Variants in JAM2 observed in about 807,000 individuals in gnomAD.
JAM2 encodes the protein junctional adhesion molecule 2.
A neutral mutation model predicts 42.0 loss-of-function variants in JAM2; 17 were observed. The observed-to-expected ratio is 0.40, with a 90% CI of 0.28 to 0.61. The LOEUF (loss-of-function observed/expected upper bound fraction) is 0.61, where lower values mean the gene tolerates loss of function less well. Among genes scored for constraint, JAM2 ranks in the 20% least tolerant of loss-of-function variants. JAM2 has a pLI of 0.37. For synonymous variants in JAM2, 118 were observed against 128.6 expected, an observed-to-expected ratio of 0.92 and a Z score of 0.56; for missense variants, 319 against 358.3, an observed-to-expected ratio of 0.89 and a Z score of 0.89.
rs558694397 is a variant in JAM2, at chr21:25,715,443, C to G, written c.*771C>G. 1 of 152,050 alleles carries G rather than the reference C, an allele frequency of 6.6e-6. No homozygotes were observed. Among genetic ancestry groups the G allele is most frequent in the East Asian group, 1.9e-4 (1 of 5,160 alleles). 9.4% of individuals were successfully genotyped at this position (152,050 alleles called of 1,614,324 possible). On this transcript the variant is annotated 3_prime_UTR_variant, in exon 10 of 10. Transcript: ENST00000480456. ...AGATTTCTTTGAAGAGGATCAGTGA[C>G]TTTGACATCAGAACTCACCACTGGA...
At chr21:25,668,881 G>A (rs750188664) in intron 1 of JAM2, among the ~76,000 whole-genome samples, 3 of 152,292 alleles carry the variant, frequency 2.0e-5, no homozygotes, top group Non-Finnish European at 2.9e-5. Flanking sequence ...TGTAGAAAGC[G>A]TGTTAAGAAG....
At chr21:25,686,017 T>A (rs1568907012) in intron 2 of JAM2, among the ~76,000 whole-genome samples, 1 of 152,228 alleles carries the variant, frequency 6.6e-6, no homozygotes, top group Non-Finnish European at 1.5e-5. Context: ...CAAGGTGAAT[T>A]TCACATAACC....
chr21:25,700,137 C>T (rs2123401688), intron 5 of JAM2, among the ~76,000 whole-genome samples: 1 of 152,108 alleles, frequency 6.6e-6, no homozygotes, highest in South Asian at 2.1e-4. Flanking sequence ...AAGCTAATTA[C>T]ATTTAAAAAT....
rs906396402 is a variant in JAM2 at position 25,684,030 on chromosome 21, G to T, written c.133+82G>T. Reference sequence around the variant, plus strand: ...ACTCGTGTGATGTTATTTTCTATTTGTTGGGATTCTCTGCCTTACCTTCTA... The same window carrying T: ...ACTCGTGTGATGTTATTTTCTATTTTTTGGGATTCTCTGCCTTACCTTCTA... On this transcript the variant is annotated intron_variant, in intron 2 of 9. Coordinates refer to ENST00000480456, the MANE Select transcript of JAM2 (RefSeq NM_021219.4). 1.1e-5 allele frequency: 10 copies of T among 891,070 alleles called. No individual in the cohort carries two copies. In the South Asian group the frequency reaches 1.7e-4, roughly 15 times the overall value. The allele number at this position is 891,070 out of a possible 1,614,324, so 55.2% of individuals were successfully genotyped here. A position where few individuals can be genotyped will look rare whatever the true frequency, so the allele number is the denominator to read the frequency against.
chr21:25,666,097 T>A (rs879922813), intron 1 of JAM2, among the ~76,000 whole-genome samples: 1 of 151,888 alleles, frequency 6.6e-6, no homozygotes, highest in Non-Finnish European at 1.5e-5. Flanking sequence ...CACAGAAACA[T>A]CCAGAATGTT....
At chr21:25,711,968 T>A (rs773314340) in intron 8 of JAM2, 13 of 224,048 alleles carry the variant, frequency 5.8e-5, no homozygotes, top group Non-Finnish European at 8.9e-5. Context: ...CATGTAAAAC[T>A]TTTTCCACGG....
chr21:25,712,429 T>C (rs1236762787), intron 9 of JAM2, 47 bp downstream of exon 9: 1 of 1,327,618 alleles, frequency 7.5e-7, no homozygotes, highest in Non-Finnish European at 1.1e-6. Flanking sequence ...GTTTGGGGAA[T>C]AGGGCAGGGA....
In JAM2 at chr21:25,715,491, CT is replaced by C. The variant is rs1440600845; in HGVS notation, c.*822del. 1 of 152,184 alleles carries C rather than the reference CT, an allele frequency of 6.6e-6. No individual in the cohort carries two copies. Among genetic ancestry groups the C allele is most frequent in the Non-Finnish European group, 1.5e-5 (1 of 68,038 alleles). 9.4% of individuals were successfully genotyped at this position (152,184 alleles called of 1,614,324 possible). On this transcript the variant is annotated 3_prime_UTR_variant, in exon 10 of 10. Coordinates refer to ENST00000480456, the MANE Select transcript of JAM2 (RefSeq NM_021219.4). Reference sequence around the variant, plus strand: ...GGAGCCTACACAAGTTTGCAGATACCTTTCCCTGCAGGAGTGGTGACTTCAC... The same window carrying C: ...GGAGCCTACACAAGTTTGCAGATACCTTCCCTGCAGGAGTGGTGACTTCAC...
intron 1 of JAM2, among the ~76,000 whole-genome samples, chr21:25,641,900 C>G (rs1487243043): frequency 6.6e-6 from 1 of 152,114 alleles, no homozygotes; most frequent in African/African-American, 2.4e-5. Context: ...GAGTTCTGGT[C>G]AAGTATCTGG....
intron 3 of JAM2, among the ~76,000 whole-genome samples, chr21:25,690,818 T>C (rs2033864378): frequency 6.6e-6 from 1 of 152,228 alleles, no homozygotes; most frequent in South Asian, 2.1e-4. Context: ...CAGCAACCAT[T>C]ATCAAGTGCT....
chr21:25,648,297 C>G (rs564974779), intron 1 of JAM2, among the ~76,000 whole-genome samples: 3 of 152,264 alleles, frequency 2.0e-5, no homozygotes, highest in African/African-American at 7.2e-5. Flanking sequence ...AACAATAACT[C>G]AAGTATGCAT....
rs555812845 is a variant in JAM2 at position 25,702,557 on chromosome 21, A to T, written c.697+288A>T. 2.6e-5 allele frequency among the ~76,000 whole-genome samples: 4 copies of T among 152,338 alleles called. No individual in the cohort carries two copies. The East Asian group carries it at 7.7e-4, about 29-fold the overall frequency. ...ATTCTTCTAAGTAGTCTTTCTCTCA[A>T]ATAAAAGCTAAGTATCTTGTAGTCT... On this transcript the variant is annotated intron_variant, in intron 6 of 9. Coordinates refer to ENST00000480456, the MANE Select transcript of JAM2 (RefSeq NM_021219.4).
intron 1 of JAM2, among the ~76,000 whole-genome samples, chr21:25,642,799 T>G (rs1031690242): frequency 1.8e-4 from 28 of 152,250 alleles, no homozygotes; most frequent in African/African-American, 6.8e-4. Context: ...GTTGATTCTA[T>G]GGTGCCTTAG....
intron 1 of JAM2, among the ~76,000 whole-genome samples, chr21:25,653,733 G>A (rs1482228571): frequency 6.6e-6 from 1 of 152,060 alleles, no homozygotes; most frequent in Non-Finnish European, 1.5e-5. Context: ...GGATTATGGG[G>A]ATTACAATTC....
intron 1 of JAM2, among the ~76,000 whole-genome samples, chr21:25,670,241 TGGG>T (rs1221426888): frequency 1.3e-5 from 2 of 152,124 alleles, no homozygotes; most frequent in African/African-American, 2.4e-5. Flanking sequence ...CCCAGCACTT[TGGG>T]AGGCCGAGGT....
intron 2 of JAM2, among the ~76,000 whole-genome samples, chr21:25,684,509 G>T (rs1244261350): frequency 2.0e-5 from 3 of 151,456 alleles, no homozygotes; most frequent in Non-Finnish European, 4.4e-5. Context: ...TGAATTTTAC[G>T]TTTATTTTGC....
intron 1 of JAM2, among the ~76,000 whole-genome samples, chr21:25,675,912 A>G (rs1384026798): frequency 1.3e-5 from 2 of 152,220 alleles, no homozygotes; most frequent in Non-Finnish European, 2.9e-5. Flanking sequence ...TATTTTTATG[A>G]AACTTATGAT....
At chr21:25,652,256 T>C (rs2032802571) in intron 1 of JAM2, among the ~76,000 whole-genome samples, 1 of 152,068 alleles carries the variant, frequency 6.6e-6, no homozygotes, top group Admixed American at 6.6e-5. Context: ...TAGCTGGGCA[T>C]GGTGGCATGC....
intron 4 of JAM2, among the ~76,000 whole-genome samples, chr21:25,696,233 C>G (rs999215147): frequency 6.6e-6 from 1 of 152,308 alleles, no homozygotes; most frequent in South Asian, 2.1e-4. Flanking sequence ...CAAAAAAATA[C>G]GAAAACCAGT....
Sources: gnomAD v4.1 joint callset for allele counts (sites outside exome capture counted in the v4.1 genomes callset) on GRCh38, gnomAD v4.1.1 for gene constraint, MANE v1.5 for transcripts, NCBI Gene and HGNC (gene_info 2026-07-23, HGNC 2026-07-21) for gene names.